The following KIF24 variants were observed in gnomAD, a reference collection of about 807,000 sequenced individuals.
The protein encoded by KIF24 is kinesin-like protein KIF24.
A neutral mutation model predicts 118.9 loss-of-function variants in KIF24; 81 were observed. The observed-to-expected ratio is 0.68, with a 90% CI of 0.57 to 0.82. The LOEUF (loss-of-function observed/expected upper bound fraction) is 0.82, where lower values mean the gene tolerates loss of function less well. Among genes scored for constraint, KIF24 ranks in the 40% least tolerant of loss-of-function variants. The pLI, the probability that KIF24 is intolerant of heterozygous loss-of-function variation, is 0.00. For missense variants in KIF24, 1,560 were observed against 1,661.6 expected (o/e 0.94, Z 1.06); for synonymous variants, 599 against 610.0 (o/e 0.98, Z 0.27).
At chr9:34,285,953 A>G (rs1289198636) in intron 6 of KIF24, among the ~76,000 whole-genome samples, 4 of 147,534 alleles carry the variant, frequency 2.7e-5, no homozygotes, top group Non-Finnish European at 4.5e-5. Context: ...AAAAAAAAGT[A>G]AAAAGAATTT....
At chr9:34,317,294 G>A (rs1187458198) in intron 1 of KIF24, among the ~76,000 whole-genome samples, 4 of 152,026 alleles carry the variant, frequency 2.6e-5, no homozygotes, top group Non-Finnish European at 4.4e-5. Flanking sequence ...GGAGGCTGAG[G>A]TAGGAGAATC....
chr9:34,286,356 A>C (rs756806581), intron 6 of KIF24, among the ~76,000 whole-genome samples: 1 of 152,006 alleles, frequency 6.6e-6, no homozygotes, highest in East Asian at 1.9e-4. Flanking sequence ...ACAACAACAA[A>C]AAGAAACTGG....
At chr9:34,283,383 A>G (rs1459156550) in intron 6 of KIF24, among the ~76,000 whole-genome samples, 1 of 152,164 alleles carries the variant, frequency 6.6e-6, no homozygotes, top group Non-Finnish European at 1.5e-5. Flanking sequence ...AAAAATAAAA[A>G]ATAAAAAAAG....
At chr9:34,260,926 C>T (rs765165466) in intron 9 of KIF24, among the ~76,000 whole-genome samples, 2 of 152,210 alleles carry the variant, frequency 1.3e-5, no homozygotes, top group East Asian at 3.9e-4. Context: ...GAGCCAAGAT[C>T]ACACCACTGC....
At chr9:34,277,552 G>A (rs1482368338) in intron 6 of KIF24, among the ~76,000 whole-genome samples, 3 of 152,166 alleles carry the variant, frequency 2.0e-5, no homozygotes, top group South Asian at 4.1e-4. Context: ...ATTGGCTTCT[G>A]AGATTGTGTT....
At chr9:34,311,394 T>C (rs1019651898) in intron 1 of KIF24, 23 bp from the exon 2 acceptor site, 8 of 1,364,190 alleles carry the variant, frequency 5.9e-6, no homozygotes, top group Non-Finnish European at 6.9e-6. Context: ...AGAAAAGCCA[T>C]TCGCTTGAAA....
At chr9:34,262,706 ATATATATG>A (rs1421397786) in intron 9 of KIF24, among the ~76,000 whole-genome samples, 6,060 of 63,554 alleles carry the variant, frequency 0.095, 643 homozygotes, top group East Asian at 0.47. Context: ...ATATATATAT[ATATATATG>A]GCCAGGCATG....
At chr9:34,255,288 A>C (rs1204639566) in intron 11 of KIF24, 123 bp from the exon 12 acceptor site, 1 of 642,170 alleles carries the variant, frequency 1.6e-6, no homozygotes, top group African/African-American at 1.8e-5. Flanking sequence ...CAAGGTTTTC[A>C]CCAAGGCCAG....
intron 1 of KIF24, among the ~76,000 whole-genome samples, chr9:34,311,933 T>TTG (rs530419396): frequency 3.3e-5 from 5 of 152,072 alleles, no homozygotes; most frequent in Non-Finnish European, 7.4e-5. Flanking sequence ...CAACAACTGA[T>TTG]TGTAGCAGGA....
chr9:34,255,653 C>A (rs1834799147), intron 11 of KIF24, 82 bp downstream of exon 11: 4 of 1,286,282 alleles, frequency 3.1e-6, no homozygotes, highest in Non-Finnish European at 4.3e-6. Context: ...CATGGCTTCT[C>A]TTTGTCCATG....
At chr9:34,299,702 A>C (rs1356039364) in intron 3 of KIF24, among the ~76,000 whole-genome samples, 2 of 152,074 alleles carry the variant, frequency 1.3e-5, no homozygotes, top group African/African-American at 4.8e-5. Context: ...TTTCTATTTC[A>C]AAATAGGTGA....
At chr9:34,290,840 T>A (rs2131753050) in intron 4 of KIF24, among the ~76,000 whole-genome samples, 1 of 152,240 alleles carries the variant, frequency 6.6e-6, no homozygotes, top group East Asian at 1.9e-4. Flanking sequence ...CCTCAAATGA[T>A]CTGCCCACCT....
At chr9:34,271,661 T>C (rs1411801330) in intron 7 of KIF24, 148 bp downstream of exon 7, 2 of 778,284 alleles carry the variant, frequency 2.6e-6, no homozygotes, top group Non-Finnish European at 4.0e-6. Context: ...TTTAGTACAA[T>C]GATTTATTTC....
chr9:34,272,143 G>T (rs375584529), intron 6 of KIF24, among the ~76,000 whole-genome samples: 1 of 152,186 alleles, frequency 6.6e-6, no homozygotes, highest in East Asian at 1.9e-4. Flanking sequence ...TCCTGTGGAA[G>T]AACATTCCAT....
chr9:34,288,902 G>A (rs1836152252), intron 5 of KIF24, among the ~76,000 whole-genome samples: 1 of 145,706 alleles, frequency 6.9e-6, no homozygotes, highest in Non-Finnish European at 1.5e-5. Context: ...ACAGCACAGT[G>A]GCTTTTATTC....
At chr9:34,286,384 A>T (rs1160148014) in intron 6 of KIF24, among the ~76,000 whole-genome samples, 1 of 152,150 alleles carries the variant, frequency 6.6e-6, no homozygotes, top group Non-Finnish European at 1.5e-5. Flanking sequence ...GTATCCTCCC[A>T]ATGAATTAAG....
At chr9:34,297,177 A>C (rs990570807) in intron 3 of KIF24, 63 bp from the exon 4 acceptor site, 39 of 968,082 alleles carry the variant, frequency 4.0e-5, no homozygotes, top group Non-Finnish European at 5.7e-5. Flanking sequence ...TCACTATTCT[A>C]GTTAACAGAT....
chr9:34,278,426 GAA>G (rs1407274298), intron 6 of KIF24, among the ~76,000 whole-genome samples: 1 of 151,928 alleles, frequency 6.6e-6, no homozygotes, highest in Non-Finnish European at 1.5e-5. Flanking sequence ...AAAACAAAAA[GAA>G]AAGATACTAA....
At chr9:34,272,683 TATG>T (rs1194529210) in intron 6 of KIF24, among the ~76,000 whole-genome samples, 1 of 152,152 alleles carries the variant, frequency 6.6e-6, no homozygotes, top group Admixed American at 6.5e-5. Flanking sequence ...AGTGCAGTGG[TATG>T]ATCATAGCTC....
Sources: gnomAD v4.1 joint callset for allele counts (sites outside exome capture counted in the v4.1 genomes callset) on GRCh38, gnomAD v4.1.1 for gene constraint, MANE v1.5 for transcripts, NCBI Gene and HGNC (gene_info 2026-07-23, HGNC 2026-07-21) for gene names.